MDGA2: variants seen among roughly 807,000 people sequenced by gnomAD.
MDGA2 encodes MAM domain containing glycosylphosphatidylinositol anchor 2, also known as MAM domain-containing glycosylphosphatidylinositol anchor protein 2.
In MDGA2, 40 loss-of-function variants were observed where a neutral mutation model predicts 117.8. The ratio of observed to expected loss-of-function variants is 0.34; its 90% confidence interval spans 0.26 to 0.44. The LOEUF (loss-of-function observed/expected upper bound fraction) is 0.44, where lower values mean the gene tolerates loss of function less well. Ranked by LOEUF, MDGA2 falls within the 20% of genes least tolerant of loss-of-function variation. The pLI, the probability that MDGA2 is intolerant of heterozygous loss-of-function variation, is 1.00. For missense variants in MDGA2, 1,123 were observed against 1,250.6 expected, an observed-to-expected ratio of 0.90 and a Z score of 1.54; for synonymous variants, 452 against 439.0, an observed-to-expected ratio of 1.03 and a Z score of -0.37.
chr14:47,021,013 C>CA (rs1250835468), intron 8 of MDGA2, among the ~76,000 whole-genome samples: 4 of 151,964 alleles, frequency 2.6e-5, no homozygotes, highest in African/African-American at 9.7e-5. Flanking sequence ...TATATTTTTC[C>CA]ATTGCTTTGT....
intron 5 of MDGA2, among the ~76,000 whole-genome samples, chr14:47,112,572 C>G (rs747710352): frequency 6.6e-6 from 1 of 152,100 alleles, no homozygotes; most frequent in Non-Finnish European, 1.5e-5. Context: ...CAAAGAACAT[C>G]GTTCCTTTCT....
chr14:47,601,730 T>C (rs1286560562), intron 1 of MDGA2, among the ~76,000 whole-genome samples: 1 of 152,188 alleles, frequency 6.6e-6, no homozygotes, highest in Non-Finnish European at 1.5e-5. Context: ...CAGTGGCATC[T>C]GAGACAAGGT....
intron 2 of MDGA2, among the ~76,000 whole-genome samples, chr14:47,234,911 G>A (rs1886810154): frequency 6.6e-6 from 1 of 152,066 alleles, no homozygotes; most frequent in East Asian, 1.9e-4. Context: ...TATTTACAAA[G>A]CTGGCTTGTC....
At chr14:47,504,892 C>T (rs1007941572) in intron 1 of MDGA2, among the ~76,000 whole-genome samples, 1 of 152,104 alleles carries the variant, frequency 6.6e-6, no homozygotes, top group Non-Finnish European at 1.5e-5. Flanking sequence ...GATAACCACA[C>T]TCCCATGGTT....
chr14:47,197,164 A>G (rs1885316972), intron 3 of MDGA2, among the ~76,000 whole-genome samples: 1 of 152,176 alleles, frequency 6.6e-6, no homozygotes, highest in South Asian at 2.1e-4. Flanking sequence ...TACGTAATAC[A>G]TATTTATAAA....
intron 1 of MDGA2, among the ~76,000 whole-genome samples, chr14:47,559,655 C>T (rs1302091014): frequency 6.6e-6 from 1 of 151,830 alleles, no homozygotes; most frequent in Non-Finnish European, 1.5e-5. Flanking sequence ...TCACTGCAAC[C>T]CCCGCCTCCC....
chr14:46,880,803 C>CAAAAA (rs568224124), intron 11 of MDGA2, among the ~76,000 whole-genome samples: 11 of 54,058 alleles, frequency 2.0e-4, no homozygotes, highest in African/African-American at 2.7e-4. Context: ...ATCCCGTCTC[C>CAAAAA]AAAAAAAAAA....
intron 8 of MDGA2, among the ~76,000 whole-genome samples, chr14:46,998,822 A>T (rs1887396576): frequency 6.6e-6 from 1 of 152,102 alleles, no homozygotes; most frequent in Non-Finnish European, 1.5e-5. Flanking sequence ...TATCTTATTC[A>T]AGGTACTTAC....
In MDGA2 at chr14:47,105,649, T is replaced by C. The variant is rs190060306; in HGVS notation, c.926-8526A>G. Among the ~76,000 whole-genome samples the C allele has an allele frequency of 6.6e-5, 10 of 151,748 alleles. No individual in the cohort carries two copies. In the East Asian group the frequency reaches 1.4e-3, roughly 21 times the overall value. On this transcript the variant is annotated intron_variant, in intron 5 of 16. Coordinates refer to ENST00000399232, the MANE Select transcript of MDGA2 (RefSeq NM_001113498.3). ...AATCGAAATAATTCTTGTCGTAAAATAGGCAAACGGTCTGAGGTGCCTGAC... is the reference window on the plus strand; with the variant it reads ...AATCGAAATAATTCTTGTCGTAAAACAGGCAAACGGTCTGAGGTGCCTGAC...
intron 1 of MDGA2, among the ~76,000 whole-genome samples, chr14:47,667,823 A>G (rs1229441512): frequency 2.0e-5 from 3 of 152,146 alleles, no homozygotes; most frequent in Admixed American, 6.5e-5. Context: ...AAACAAGACA[A>G]AAAATATACT....
At chr14:47,200,529 CTTTTCTT>C in intron 3 of MDGA2, 1 of 586,028 alleles carries the variant, frequency 1.7e-6, no homozygotes. Flanking sequence ...TTTTCTTTTT[CTTTTCTT>C]TTTTTTTTTT....
At chr14:47,617,743 T>G (rs1422673158) in intron 1 of MDGA2, among the ~76,000 whole-genome samples, 1 of 152,204 alleles carries the variant, frequency 6.6e-6, no homozygotes, top group Non-Finnish European at 1.5e-5. Context: ...ACATGCATAT[T>G]ATTTATATAT....
rs562856408 is a variant in MDGA2, at chr14:47,220,221, A to T, written c.421-2026T>A. 1.8e-3 allele frequency among the ~76,000 whole-genome samples: 274 copies of T among 152,268 alleles called. 3 individuals carry two copies. The highest frequency in any genetic ancestry group is 6.4e-3 in the African/African-American group (265 of 41,554). On this transcript the variant is annotated intron_variant, in intron 2 of 16. Transcript: ENST00000399232. ...GAAGAGTTTACCAAGTCACATGCCTAACTGATGAGAAAAGAAACCTCCATA... is the reference window on the plus strand; with the variant it reads ...GAAGAGTTTACCAAGTCACATGCCTTACTGATGAGAAAAGAAACCTCCATA...
At chr14:47,210,428 C>T (rs372514004) in intron 3 of MDGA2, among the ~76,000 whole-genome samples, 2 of 152,092 alleles carry the variant, frequency 1.3e-5, no homozygotes, top group African/African-American at 4.8e-5. Flanking sequence ...AGTCATATGG[C>T]CTCTATTACC....
At chr14:46,875,754 T>C (rs1037603774) in intron 12 of MDGA2, among the ~76,000 whole-genome samples, 1 of 151,666 alleles carries the variant, frequency 6.6e-6, no homozygotes, top group Admixed American at 6.6e-5. Context: ...AATGTTTGAT[T>C]TTGAATGTTT....
At chr14:47,018,733 G>GAAAAAAAAAAAAAAAAAAAAAAAA (rs60442845) in intron 8 of MDGA2, among the ~76,000 whole-genome samples, 2 of 38,654 alleles carry the variant, frequency 5.2e-5, no homozygotes, top group African/African-American at 1.1e-4. Context: ...CCATTTTACT[G>GAAAAAAAAAAAAAAAAAAAAAAAA]AAAAAAAAAA....
intron 1 of MDGA2, among the ~76,000 whole-genome samples, chr14:47,553,902 G>A (rs1950393): frequency 0.31 from 47,382 of 152,056 alleles, 8,259 homozygotes; most frequent in East Asian, 0.57. Context: ...CTAAGTCACA[G>A]GTGAAATGAA....
At chr14:47,162,252 A>T (rs1298985147) in intron 3 of MDGA2, among the ~76,000 whole-genome samples, 1 of 151,960 alleles carries the variant, frequency 6.6e-6, no homozygotes, top group Non-Finnish European at 1.5e-5. Flanking sequence ...GCCAACCCAC[A>T]TTCTTGACCC....
In MDGA2 at chr14:47,280,314, CAAAAAAAAAAAA is replaced by C. The variant is rs1196509408; in HGVS notation, c.420+21085_420+21096del. Among the ~76,000 whole-genome samples, 38 of 35,830 alleles carry C rather than the reference CAAAAAAAAAAAA, an allele frequency of 1.1e-3. 1 individual carries two copies. Among genetic ancestry groups the C allele is most frequent in the South Asian group, 3.0e-3 (2 of 656 alleles). The allele number at this position is 35,830 out of a possible 152,430, so 23.5% of individuals were successfully genotyped here. On this transcript the variant is annotated intron_variant, in intron 2 of 16. Transcript: ENST00000399232. ...GGGCAACAAAAGTGAAACTCCATCT[CAAAAAAAAAAAA>C]AAAAAAAAAAAAAAAAAAGAGAGAT... is the stretch of plus-strand genomic sequence containing the variant.
Sources: allele counts gnomAD v4.1 joint callset (sites outside exome capture counted in the v4.1 genomes callset), GRCh38; gene constraint gnomAD v4.1.1; transcripts MANE v1.5; gene names NCBI Gene and HGNC (gene_info 2026-07-23, HGNC 2026-07-21).